DHRS9: variants seen among roughly 807,000 people sequenced by gnomAD.
The protein encoded by DHRS9 is dehydrogenase/reductase 9, also known as dehydrogenase/reductase SDR family member 9.
Under a neutral mutation model 26.6 loss-of-function variants are expected in DHRS9, and 18 were observed. The observed-to-expected ratio is 0.68, with a 90% CI of 0.47 to 1.00. The LOEUF is 1.00. Ranked by LOEUF, DHRS9 falls within the 50% of genes least tolerant of loss-of-function variation. The probability of loss-of-function intolerance (pLI) is 0.00; values close to 1 mark genes in which losing one functional copy is unlikely to be tolerated. For synonymous variants in DHRS9, 134 were observed against 141.1 expected, an observed-to-expected ratio of 0.95 and a Z score of 0.36; for missense variants, 425 against 378.7, an observed-to-expected ratio of 1.12 and a Z score of -1.01.
intron 1 of DHRS9, among the ~76,000 whole-genome samples, chr2:169,073,256 G>GT: frequency 6.6e-6 from 1 of 152,202 alleles, no homozygotes. Context: ...AATGGTCTGG[G>GT]TATCAGTCCC....
intron 1 of DHRS9, among the ~76,000 whole-genome samples, chr2:169,071,085 C>A (rs909248178): frequency 4.7e-5 from 7 of 148,268 alleles, no homozygotes; most frequent in South Asian, 2.2e-4. Context: ...ACAACAACAA[C>A]AAAAAACTCA....
chr2:169,095,777 C>A lies in DHRS9; in HGVS notation c.*10C>A. 6.2e-7 allele frequency: 1 copy of A among 1,610,818 alleles called. No homozygotes were observed. The highest frequency in any genetic ancestry group is 8.5e-7 in the Non-Finnish European group (1 of 1,177,714). On this transcript the variant is annotated 3_prime_UTR_variant, in exon 5 of 5. Transcript: ENST00000674881. ...TCCCAAGGCAGTGTGACTCAGCTAA[C>A]CACAAATGTCTCCTCCAGGCTATGA...
At chr2:169,088,835 C>A (rs1684433151) in intron 3 of DHRS9, among the ~76,000 whole-genome samples, 1 of 152,212 alleles carries the variant, frequency 6.6e-6, no homozygotes, top group Admixed American at 6.5e-5. Flanking sequence ...TCAGAATAGG[C>A]TTCTCCATTG....
Position 169,078,815 on chromosome 2 carries a change from C to CTTTTTT in DHRS9, c.-59-2687_-59-2682dup, listed in dbSNP as rs200691133. ...CTCTGACTTAATTTTTATCAACTGA[C>CTTTTTT]TTTTTTTTTTTTTTTTTTTTTTTTT... On this transcript the variant is annotated intron_variant, in intron 1 of 4. Transcript: ENST00000674881. Among the ~76,000 whole-genome samples, 407 of 110,272 alleles carry CTTTTTT rather than the reference C, an allele frequency of 3.7e-3. 34 individuals carry two copies. Among genetic ancestry groups the CTTTTTT allele is most frequent in the African/African-American group, 0.014 (366 of 26,578 alleles). 72.3% of individuals were successfully genotyped at this position (110,272 alleles called of 152,430 possible). A position where few individuals can be genotyped will look rare whatever the true frequency, so the allele number is the denominator to read the frequency against.
At chr2:169,074,424 A>C in intron 1 of DHRS9, 9 of 985,414 alleles carry the variant, frequency 9.1e-6, no homozygotes, top group Middle Eastern at 5.2e-4. Context: ...TTGTGCGATA[A>C]ATTGGAAGAC....
intron 2 of DHRS9, 96 bp from the exon 3 acceptor site, chr2:169,083,233 A>G: frequency 3.4e-6 from 5 of 1,449,598 alleles, no homozygotes; most frequent in Non-Finnish European, 4.7e-6. Context: ...TCAAGGAGGA[A>G]ATGGCACCAT....
At position 169,069,701 on chromosome 2, in the gene DHRS9, A is replaced by T. The variant is rs1683743848; in HGVS notation, c.-76A>T. ...AGTCCACCAACAGTTTCTGTGTCCCACTTCATCTTTAATAAGGTAACTGAT... is the reference window on the plus strand; with the variant it reads ...AGTCCACCAACAGTTTCTGTGTCCCTCTTCATCTTTAATAAGGTAACTGAT... On this transcript the variant is annotated 5_prime_UTR_variant, in exon 1 of 5. Transcript: ENST00000674881. The T allele has an allele frequency of 1.0e-6, 1 of 985,486 alleles. No individual in the cohort carries two copies. The highest frequency in any genetic ancestry group is 1.2e-6 in the Non-Finnish European group (1 of 829,942). 61.0% of individuals were successfully genotyped at this position (985,486 alleles called of 1,614,324 possible). A position where few individuals can be genotyped will look rare whatever the true frequency, so the allele number is the denominator to read the frequency against.
At position 169,095,819 on chromosome 2, in the gene DHRS9, G is replaced by T. The variant is rs769402815; in HGVS notation, c.*52G>T. The T allele has an allele frequency of 2.0e-6, 3 of 1,502,768 alleles. No individual in the cohort carries two copies. The South Asian group carries it at 3.4e-5, about 17-fold the overall frequency. The allele number at this position is 1,502,768 out of a possible 1,614,324, so 93.1% of individuals were successfully genotyped here. On this transcript the variant is annotated 3_prime_UTR_variant, in exon 5 of 5. Transcript: ENST00000674881. Reference sequence around the variant, plus strand: ...AGGCTATGAAATTGGCCGATTTCAAGAACACATCTCCTTTTCAACCCCATT... The same window carrying T: ...AGGCTATGAAATTGGCCGATTTCAATAACACATCTCCTTTTCAACCCCATT...
At chr2:169,079,850 A>G (rs186083845) in intron 1 of DHRS9, among the ~76,000 whole-genome samples, 1 of 142,742 alleles carries the variant, frequency 7.0e-6, no homozygotes, top group East Asian at 2.2e-4. Flanking sequence ...GACAACAGCG[A>G]AATTCCATCT....
intron 1 of DHRS9, chr2:169,074,385 A>G (rs1337813885): frequency 1.4e-5 from 14 of 985,308 alleles, no homozygotes; most frequent in Non-Finnish European, 1.7e-5. Context: ...GCCTCGAGCC[A>G]AGAGATTTAC....
intron 4 of DHRS9, 109 bp from the exon 5 acceptor site, chr2:169,095,434 TG>T: frequency 1.2e-6 from 1 of 838,950 alleles, no homozygotes; most frequent in Non-Finnish European, 2.0e-6. Flanking sequence ...TCAATTATAA[TG>T]GACAATTCAG....
rs983085099 is a variant in DHRS9, at chr2:169,095,845, C to A, written c.*78C>A. On this transcript the variant is annotated 3_prime_UTR_variant, in exon 5 of 5. Transcript: ENST00000674881. ...AACACATCTCCTTTTCAACCCCATTCCTTATCTGCTCCAACCTGGACTCAT... is the reference window on the plus strand; with the variant it reads ...AACACATCTCCTTTTCAACCCCATTACTTATCTGCTCCAACCTGGACTCAT... The A allele has an allele frequency of 1.1e-5, 14 of 1,301,438 alleles. No individual in the cohort carries two copies. The Admixed American group carries it at 1.1e-4, about 10-fold the overall frequency. 80.6% of individuals were successfully genotyped at this position (1,301,438 alleles called of 1,614,324 possible).
At position 169,081,840 on chromosome 2, in the gene DHRS9, C is replaced by G; in HGVS notation, c.259C>G (p.Pro87Ala). The G allele has an allele frequency of 6.2e-7, 1 of 1,613,596 alleles. No homozygotes were observed. The highest frequency in any genetic ancestry group is 8.5e-7 in the Non-Finnish European group (1 of 1,179,846). Residue 87 changes from proline (P) to alanine (A), a missense_variant, in exon 2 of 5, where the codon CCA becomes GCA. Coordinates refer to ENST00000674881, the MANE Select transcript of DHRS9 (RefSeq NM_001376924.1). ...LRTVLLDVTDPENVKRTAQWV... is the reference protein window; with the variant it reads ...LRTVLLDVTDAENVKRTAQWV... ...TACTGTGCTTCTGGATGTGACCGAC[C>G]CAGAGAATGTCAAGAGGACTGCCCA...
intron 3 of DHRS9, 79 bp from the exon 4 acceptor site, chr2:169,091,711 G>C (rs531333026): frequency 7.1e-6 from 10 of 1,410,126 alleles, no homozygotes; most frequent in East Asian, 2.3e-5. Context: ...GAAAAGATTC[G>C]TGAGAAAATA....
rs903663038 is a variant in DHRS9 at position 169,070,155 on chromosome 2, T to G, written c.-60+438T>G. The G allele has an allele frequency of 1.5e-5, 15 of 985,328 alleles. No individual in the cohort carries two copies. In the African/African-American group the frequency reaches 2.6e-4, roughly 17 times the overall value. 61.0% of individuals were successfully genotyped at this position (985,328 alleles called of 1,614,324 possible). ...GTCTGATCTGTTTGTCTGTCCGCTT[T>G]ATCAATATTATCAGATGTAAGTTTA... On this transcript the variant is annotated intron_variant, in intron 1 of 4. Transcript: ENST00000674881.
intron 1 of DHRS9, among the ~76,000 whole-genome samples, chr2:169,080,050 A>AAAG (rs1684136171): frequency 2.1e-5 from 3 of 145,404 alleles, no homozygotes; most frequent in South Asian, 4.4e-4. Context: ...AGAAAGAAAG[A>AAAG]AAATAAAGTC....
At chr2:169,070,173 T>G in intron 1 of DHRS9, 2 of 985,410 alleles carry the variant, frequency 2.0e-6, no homozygotes, top group Non-Finnish European at 2.4e-6. Context: ...TTATCAGATG[T>G]AAGTTTACAT....
intron 1 of DHRS9, chr2:169,070,466 C>T: frequency 2.0e-6 from 2 of 985,324 alleles, no homozygotes; most frequent in Non-Finnish European, 2.4e-6. Flanking sequence ...CTGAAATGTC[C>T]CACTACACTG....
chr2:169,078,040 T>TCAGCC (rs1316589672), intron 1 of DHRS9, among the ~76,000 whole-genome samples: 2 of 152,222 alleles, frequency 1.3e-5, no homozygotes, highest in African/African-American at 4.8e-5. Context: ...TGGACACTTC[T>TCAGCC]CAGCCCAGCC....
Sources: allele counts gnomAD v4.1 joint callset (sites outside exome capture counted in the v4.1 genomes callset), GRCh38; gene constraint gnomAD v4.1.1; transcripts MANE v1.5; gene names NCBI Gene and HGNC (gene_info 2026-07-23, HGNC 2026-07-21).